Variants in MICAL2 observed in about 807,000 individuals in gnomAD.
MICAL2 encodes microtubule associated monooxygenase, calponin and LIM domain containing 2, also known as [F-actin]-monooxygenase MICAL2.
In MICAL2, 77 loss-of-function variants were observed where a neutral mutation model predicts 127.3. The observed-to-expected ratio is 0.60, with a 90% CI of 0.50 to 0.73. The LOEUF (loss-of-function observed/expected upper bound fraction) is 0.73, where lower values mean the gene tolerates loss of function less well. Ranked by LOEUF, MICAL2 falls within the 30% of genes least tolerant of loss-of-function variation. The probability of loss-of-function intolerance (pLI) is 0.00; values close to 1 mark genes in which losing one functional copy is unlikely to be tolerated. For missense variants in MICAL2, 1,351 were observed against 1,434.4 expected (o/e 0.94, Z 0.94); for synonymous variants, 570 against 551.1 (o/e 1.03, Z -0.48).
At position 12,333,491 on chromosome 11, in the gene MICAL2, TTAAGTCTTCTA is replaced by T. The variant is rs1206254826; in HGVS notation, c.5515+6227_5515+6237del. On this transcript the variant is annotated intron_variant, in intron 32 of 34. Transcript: ENST00000646065. ...AGTAATAAAATAATGTTGCCTACTC[TTAAGTCTTCTA>T]TTTAACTTTGTGCAGGAGATCCCAA... Among the ~76,000 whole-genome samples the T allele has an allele frequency of 2.0e-5, 3 of 152,356 alleles. No homozygotes were observed. In the East Asian group the frequency reaches 5.8e-4, roughly 29 times the overall value.
intron 34 of MICAL2, chr11:12,358,247 C>A: frequency 1.3e-6 from 2 of 1,580,706 alleles, no homozygotes; most frequent in East Asian, 2.2e-5. Context: ...AGAACTCTGC[C>A]GGGGCCCAAT....
downstream of MICAL2, among the ~76,000 whole-genome samples, chr11:12,287,596 TCCACACAC>T: frequency 6.6e-6 from 1 of 151,792 alleles, no homozygotes; most frequent in Middle Eastern, 3.4e-3. Context: ...CACCCACACA[TCCACACAC>T]ACACACATGC....
rs1338498874 is a variant in MICAL2, at chr11:12,262,250, A to G, written c.3335-230A>G. ...GGCAGAGAGGATATCAGGGAGCAAG[A>G]TGCAAACTGTGTGCATCCACTCTCG... On this transcript the variant is annotated intron_variant, in intron 26 of 27. Transcript: ENST00000683283. The G allele has an allele frequency of 3.6e-6, 5 of 1,405,674 alleles. No homozygotes were observed. The East Asian group carries it at 1.1e-4, about 30-fold the overall frequency. 87.1% of individuals were successfully genotyped at this position (1,405,674 alleles called of 1,614,324 possible). A position where few individuals can be genotyped will look rare whatever the true frequency, so the allele number is the denominator to read the frequency against.
chr11:12,143,875 G>A (rs1157488388), intron 2 of MICAL2, among the ~76,000 whole-genome samples: 3 of 152,180 alleles, frequency 2.0e-5, no homozygotes, highest in Non-Finnish European at 4.4e-5. Flanking sequence ...TTTGTCATGA[G>A]GGTGAGCCAG....
chr11:12,332,637 G>A (rs551930058), intron 32 of MICAL2, among the ~76,000 whole-genome samples: 4 of 152,124 alleles, frequency 2.6e-5, no homozygotes, highest in African/African-American at 9.7e-5. Context: ...AGCCCAAGTT[G>A]CCCTGTTCCC....
chr11:12,183,566 G>C (rs1033321549), intron 3 of MICAL2, among the ~76,000 whole-genome samples: 1 of 152,140 alleles, frequency 6.6e-6, no homozygotes, highest in African/African-American at 2.4e-5. Context: ...AATATCACTG[G>C]TAGGATGCTG....
intron 18 of MICAL2, among the ~76,000 whole-genome samples, chr11:12,241,409 T>A (rs887820070): frequency 6.6e-6 from 1 of 152,252 alleles, no homozygotes; most frequent in Non-Finnish European, 1.5e-5. Context: ...ATGGTGCTGC[T>A]AGGGAAAAAT....
intron 16 of MICAL2, among the ~76,000 whole-genome samples, chr11:12,236,468 A>G (rs1859073954): frequency 6.6e-6 from 1 of 152,238 alleles, no homozygotes; most frequent in Non-Finnish European, 1.5e-5. Flanking sequence ...GATGTGGTTC[A>G]TGTCTGTAAC....
intron 3 of MICAL2, among the ~76,000 whole-genome samples, chr11:12,199,681 C>T (rs898799344): frequency 2.6e-5 from 4 of 152,182 alleles, no homozygotes; most frequent in Non-Finnish European, 4.4e-5. Context: ...AGAAGTCACA[C>T]GTGAGCTGGG....
At chr11:12,132,447 C>T (rs1202927804) in intron 1 of MICAL2, among the ~76,000 whole-genome samples, 5 of 152,090 alleles carry the variant, frequency 3.3e-5, no homozygotes, top group East Asian at 1.9e-4. Flanking sequence ...GAAAATGAGC[C>T]GGTTCCTTTT....
rs1028994297 is a variant in MICAL2 at position 12,190,996 on chromosome 11, G to A, written c.265-13254G>A. 2.6e-5 allele frequency among the ~76,000 whole-genome samples: 4 copies of A among 152,192 alleles called. No homozygotes were observed. In the East Asian group the frequency reaches 7.7e-4, roughly 29 times the overall value. ...AGTGTGCATCCTGATTTGGGGTAAA[G>A]GTATGATTTGATTTGATTTGATTGA... On this transcript the variant is annotated intron_variant, in intron 3 of 27. Transcript: ENST00000683283.
At chr11:12,200,193 A>C (rs869280) in intron 3 of MICAL2, among the ~76,000 whole-genome samples, 115,406 of 151,936 alleles carry the variant, frequency 0.76, 47,551 homozygotes, top group Non-Finnish European at 0.92. Context: ...TAGACACGGA[A>C]AATATGACCC....
chr11:12,143,752 G>T (rs1325061867), intron 2 of MICAL2, among the ~76,000 whole-genome samples: 1 of 152,174 alleles, frequency 6.6e-6, no homozygotes, highest in African/African-American at 2.4e-5. Context: ...TAATATTTCT[G>T]CAGGAGCTGG....
At chr11:12,133,145 C>T (rs772682875) in intron 1 of MICAL2, among the ~76,000 whole-genome samples, 5 of 152,102 alleles carry the variant, frequency 3.3e-5, no homozygotes, top group Admixed American at 6.5e-5. Context: ...GCAGTGGCAC[C>T]ATCTCGGCTC....
At chr11:12,207,782 A>C (rs1854911826) in intron 4 of MICAL2, 1 of 424,498 alleles carries the variant, frequency 2.4e-6, no homozygotes, top group African/African-American at 2.0e-5. Flanking sequence ...CAAGTCATTT[A>C]ACTTTGTTAA....
At chr11:12,135,740 G>A (rs1223987192) in intron 1 of MICAL2, among the ~76,000 whole-genome samples, 1 of 152,164 alleles carries the variant, frequency 6.6e-6, no homozygotes, top group African/African-American at 2.4e-5. Context: ...TGCACATTTA[G>A]ACACTTCTCT....
At chr11:12,216,651 G>A (rs1856192620) in intron 8 of MICAL2, among the ~76,000 whole-genome samples, 1 of 152,108 alleles carries the variant, frequency 6.6e-6, no homozygotes, top group Admixed American at 6.5e-5. Context: ...AGGCAGATGG[G>A]GGCTCCTTGT....
At chr11:12,151,777 T>C (rs1169905001) in intron 2 of MICAL2, among the ~76,000 whole-genome samples, 2 of 152,018 alleles carry the variant, frequency 1.3e-5, no homozygotes, top group African/African-American at 4.8e-5. Context: ...TTCCATGACT[T>C]AGAACCTGGT....
At chr11:12,295,597 A>G (rs1322960000), downstream of MICAL2, among the ~76,000 whole-genome samples, 1 of 151,744 alleles carries the variant, frequency 6.6e-6, no homozygotes, top group African/African-American at 2.4e-5. Context: ...GAGTCTCAAT[A>G]TGTTGCCCAG....
Sources: allele counts gnomAD v4.1 joint callset (sites outside exome capture counted in the v4.1 genomes callset), GRCh38; gene constraint gnomAD v4.1.1; transcripts MANE v1.5; gene names NCBI Gene and HGNC (gene_info 2026-07-23, HGNC 2026-07-21).